The following XKR4 variants were observed in gnomAD, a reference collection of about 807,000 sequenced individuals.
XKR4 encodes the protein XK-related protein 4.
In XKR4, 12 loss-of-function variants were observed where a neutral mutation model predicts 53.9. That is an observed-to-expected ratio of 0.22 (90% confidence interval 0.14 to 0.36). The LOEUF (loss-of-function observed/expected upper bound fraction) is 0.36, where lower values mean the gene tolerates loss of function less well. Among genes scored for constraint, XKR4 ranks in the 10% least tolerant of loss-of-function variants. The probability of loss-of-function intolerance (pLI) is 1.00; values close to 1 mark genes in which losing one functional copy is unlikely to be tolerated. For synonymous variants in XKR4, 354 were observed against 362.4 expected, an observed-to-expected ratio of 0.98 and a Z score of 0.26; for missense variants, 799 against 859.5, an observed-to-expected ratio of 0.93 and a Z score of 0.88.
At chr8:55,408,613 A>G (rs1804724811) in intron 2 of XKR4, among the ~76,000 whole-genome samples, 1 of 152,150 alleles carries the variant, frequency 6.6e-6, no homozygotes, top group Non-Finnish European at 1.5e-5. Context: ...ATGGTCCTGA[A>G]AAAGCCCTGA....
At chr8:55,189,003 C>G (rs775448017) in intron 1 of XKR4, among the ~76,000 whole-genome samples, 115 of 152,290 alleles carry the variant, frequency 7.6e-4, no homozygotes, top group Non-Finnish European at 1.3e-3. Flanking sequence ...CTTCTGTCAT[C>G]TAGATCGGGA....
chr8:55,140,132 C>A (rs1356061116), intron 1 of XKR4: 8 of 427,638 alleles, frequency 1.9e-5, no homozygotes, highest in Admixed American at 1.8e-4. Flanking sequence ...GATGAAAATT[C>A]TCCCTCAGTT....
Position 55,529,889 on chromosome 8 carries a change from C to T in XKR4, c.*5662C>T, listed in dbSNP as rs1806925150. ...CCTGTAACTAAATTTTACCTTAACT[C>T]TAACTCATAGTAGGCAGATAAATGC... On this transcript the variant is annotated 3_prime_UTR_variant, in exon 3 of 3. Coordinates refer to ENST00000327381, the MANE Select transcript of XKR4 (RefSeq NM_052898.2). The T allele has an allele frequency of 6.6e-6, 1 of 152,136 alleles. No individual in the cohort carries two copies. The highest frequency in any genetic ancestry group is 1.5e-5 in the Non-Finnish European group (1 of 68,014). The allele number at this position is 152,136 out of a possible 1,614,324, so 9.4% of individuals were successfully genotyped here.
intron 1 of XKR4, among the ~76,000 whole-genome samples, chr8:55,348,339 T>G (rs1803678349): frequency 6.6e-6 from 1 of 152,096 alleles, no homozygotes; most frequent in Non-Finnish European, 1.5e-5. Context: ...CATCCTCCCA[T>G]CTAATCCCCA....
At chr8:55,216,802 TA>T (rs199673218) in intron 1 of XKR4, among the ~76,000 whole-genome samples, 93 of 139,496 alleles carry the variant, frequency 6.7e-4, no homozygotes, top group South Asian at 1.6e-3. Context: ...GTTCTATTTA[TA>T]AAAAAAAAAA....
chr8:55,451,930 G>A, intron 2 of XKR4: 1 of 783,628 alleles, frequency 1.3e-6, no homozygotes, highest in Non-Finnish European at 2.2e-6. Context: ...GTCCTCAGAG[G>A]GCGGCTGGCT....
intron 2 of XKR4, chr8:55,449,902 G>T: frequency 1.1e-6 from 1 of 885,500 alleles, no homozygotes; most frequent in South Asian, 1.3e-5. Flanking sequence ...AGCCTGGCGG[G>T]AGCCAGATGC....
At chr8:55,314,475 T>G (rs762216715) in intron 1 of XKR4, among the ~76,000 whole-genome samples, 4 of 152,110 alleles carry the variant, frequency 2.6e-5, no homozygotes, top group Non-Finnish European at 5.9e-5. Flanking sequence ...TGTCCCGACA[T>G]TCAGCTCCCG....
intron 1 of XKR4, among the ~76,000 whole-genome samples, chr8:55,303,261 G>A (rs1819233081): frequency 6.6e-6 from 1 of 152,124 alleles, no homozygotes; most frequent in Non-Finnish European, 1.5e-5. Flanking sequence ...TAATCCTGTG[G>A]TTTTTGTCTT....
At chr8:55,189,074 T>C (rs1817412484) in intron 1 of XKR4, among the ~76,000 whole-genome samples, 1 of 151,990 alleles carries the variant, frequency 6.6e-6, no homozygotes, top group East Asian at 1.9e-4. Context: ...AGGATTGGAG[T>C]CTTGAACTTC....
At chr8:55,104,935 T>C (rs1321561993) in intron 1 of XKR4, among the ~76,000 whole-genome samples, 3 of 152,368 alleles carry the variant, frequency 2.0e-5, no homozygotes, top group Non-Finnish European at 4.4e-5. Context: ...TTAGCATTTC[T>C]AATCTGATAA....
At chr8:55,227,085 AC>A (rs1387878313) in intron 1 of XKR4, among the ~76,000 whole-genome samples, 6 of 151,858 alleles carry the variant, frequency 4.0e-5, no homozygotes, top group Non-Finnish European at 5.9e-5. Context: ...TGTGGTGGCA[AC>A]CCCCACCTTC....
At chr8:55,194,561 G>A (rs944601785) in intron 1 of XKR4, among the ~76,000 whole-genome samples, 4 of 152,172 alleles carry the variant, frequency 2.6e-5, no homozygotes, top group Non-Finnish European at 5.9e-5. Flanking sequence ...TAAATATACC[G>A]TTGGAAAAAA....
At chr8:55,387,959 A>G (rs1804349239) in intron 2 of XKR4, among the ~76,000 whole-genome samples, 1 of 152,222 alleles carries the variant, frequency 6.6e-6, no homozygotes, top group Non-Finnish European at 1.5e-5. Context: ...TTGTTCTCAC[A>G]GAGATTTAGT....
chr8:55,294,096 C>T (rs922192981), intron 1 of XKR4, among the ~76,000 whole-genome samples: 2 of 152,188 alleles, frequency 1.3e-5, no homozygotes, highest in African/African-American at 4.8e-5. Context: ...TACCTTGCTA[C>T]ATCTTCAACT....
intron 2 of XKR4, among the ~76,000 whole-genome samples, chr8:55,445,248 G>A (rs541853002): frequency 9.9e-5 from 15 of 151,964 alleles, no homozygotes; most frequent in Non-Finnish European, 1.6e-4. Context: ...TAGTAGAGAC[G>A]GCGTTTCACT....
chr8:55,123,711 A>C (rs1816423588), intron 1 of XKR4, among the ~76,000 whole-genome samples: 2 of 152,120 alleles, frequency 1.3e-5, no homozygotes, highest in Non-Finnish European at 2.9e-5. Flanking sequence ...ACGTGCCTCT[A>C]TGTAATATCC....
At chr8:55,344,449 G>GT (rs111796979) in intron 1 of XKR4, among the ~76,000 whole-genome samples, 2,393 of 138,502 alleles carry the variant, frequency 0.017, 22 homozygotes, top group Non-Finnish European at 0.023. Context: ...AACCCTGTCT[G>GT]TTTTTTTTTT....
intron 2 of XKR4, among the ~76,000 whole-genome samples, chr8:55,485,596 C>G (rs1806179449): frequency 6.6e-6 from 1 of 152,132 alleles, no homozygotes; most frequent in Admixed American, 6.5e-5. Context: ...CCAGGCTGGT[C>G]TCAAACTCCT....
Sources: allele counts gnomAD v4.1 joint callset (sites outside exome capture counted in the v4.1 genomes callset), GRCh38; gene constraint gnomAD v4.1.1; transcripts MANE v1.5; gene names NCBI Gene and HGNC (gene_info 2026-07-23, HGNC 2026-07-21).